The following RNGTT variants were observed in gnomAD, a reference collection of about 807,000 sequenced individuals.
RNGTT encodes mRNA-capping enzyme.
Under a neutral mutation model 79.3 loss-of-function variants are expected in RNGTT, and 33 were observed. The ratio of observed to expected loss-of-function variants is 0.42; its 90% confidence interval spans 0.32 to 0.56. The LOEUF (loss-of-function observed/expected upper bound fraction) is 0.56, where lower values mean the gene tolerates loss of function less well. Ranked by LOEUF, RNGTT falls within the 20% of genes least tolerant of loss-of-function variation. The pLI, the probability that RNGTT is intolerant of heterozygous loss-of-function variation, is 0.17. For missense variants in RNGTT, 497 were observed against 739.1 expected, an observed-to-expected ratio of 0.67 and a Z score of 3.80; for synonymous variants, 222 against 235.9, an observed-to-expected ratio of 0.94 and a Z score of 0.54.
chr6:88,656,194 G>A (rs932240221), intron 14 of RNGTT, among the ~76,000 whole-genome samples: 5 of 151,956 alleles, frequency 3.3e-5, no homozygotes, highest in African/African-American at 7.3e-5. Context: ...GAACTATATC[G>A]CTTACTTAAT....
chr6:88,919,742 G>A (rs1784109334), intron 4 of RNGTT, among the ~76,000 whole-genome samples: 1 of 99,154 alleles, frequency 1.0e-5, no homozygotes. Context: ...TTGAGACGGA[G>A]TTTTGTTCTT....
At chr6:88,613,033 C>T in intron 15 of RNGTT, 151 bp from the exon 16 acceptor site, 1 of 640,728 alleles carries the variant, frequency 1.6e-6, no homozygotes, top group East Asian at 3.0e-5. Flanking sequence ...TATCTCCTCC[C>T]TACCCTACAC....
chr6:88,707,463 T>C (rs947413480), intron 13 of RNGTT, among the ~76,000 whole-genome samples: 31 of 152,088 alleles, frequency 2.0e-4, no homozygotes, highest in African/African-American at 7.5e-4. Context: ...AGGAACATGC[T>C]ATCTAGAAAA....
At chr6:88,623,997 A>C (rs1272870695) in intron 14 of RNGTT, among the ~76,000 whole-genome samples, 2 of 151,980 alleles carry the variant, frequency 1.3e-5, no homozygotes, top group Non-Finnish European at 2.9e-5. Flanking sequence ...TTATAGTAAC[A>C]CAACTAAAAA....
intron 14 of RNGTT, among the ~76,000 whole-genome samples, chr6:88,668,272 C>T (rs1410899335): frequency 1.3e-5 from 2 of 152,102 alleles, no homozygotes; most frequent in Non-Finnish European, 2.9e-5. Context: ...TCCACCACAG[C>T]CACGTGAAAC....
chr6:88,766,986 T>C (rs1433860937), intron 13 of RNGTT, among the ~76,000 whole-genome samples: 1 of 152,146 alleles, frequency 6.6e-6, no homozygotes, highest in Non-Finnish European at 1.5e-5. Flanking sequence ...ACTGAGTTAA[T>C]GCTAAGCATT....
At chr6:88,826,788 G>GAA (rs1189448559) in intron 11 of RNGTT, among the ~76,000 whole-genome samples, 3,612 of 69,678 alleles carry the variant, frequency 0.052, 126 homozygotes, top group Middle Eastern at 0.1. Context: ...TGTCTCAAAA[G>GAA]AAAAAAAAAA....
chr6:88,697,925 T>C (rs1265604452), intron 13 of RNGTT, among the ~76,000 whole-genome samples: 3 of 123,294 alleles, frequency 2.4e-5, no homozygotes, highest in Non-Finnish European at 4.7e-5. Flanking sequence ...AATACATATA[T>C]ATGATATATA....
In RNGTT at chr6:88,784,919, T is replaced by C. The variant is rs558296780; in HGVS notation, c.1339-15045A>G. Among the ~76,000 whole-genome samples the C allele has an allele frequency of 3.3e-5, 5 of 152,214 alleles. No homozygotes were observed. In the South Asian group the frequency reaches 8.3e-4, roughly 25 times the overall value. The stretch of plus-strand genomic sequence containing the variant: ...ATGAAAATAAGAATGTATTCACACA[T>C]TTGTATTTGCTTCTATATATATAAA... On this transcript the variant is annotated intron_variant, in intron 12 of 15. Coordinates refer to ENST00000369485, the MANE Select transcript of RNGTT (RefSeq NM_003800.5).
At chr6:88,891,037 CA>C (rs1254261144) in intron 7 of RNGTT, among the ~76,000 whole-genome samples, 1 of 152,038 alleles carries the variant, frequency 6.6e-6, no homozygotes, top group African/African-American at 2.4e-5. Flanking sequence ...CCAGAAGTGA[CA>C]AAACAGGAGA....
chr6:88,888,602 A>G (rs1050057457), intron 8 of RNGTT, among the ~76,000 whole-genome samples: 2 of 152,166 alleles, frequency 1.3e-5, no homozygotes, highest in African/African-American at 4.8e-5. Context: ...CACTGTTTCA[A>G]TTTTGCATTA....
intron 14 of RNGTT, among the ~76,000 whole-genome samples, chr6:88,658,989 T>C (rs371790639): frequency 1.3e-5 from 2 of 152,210 alleles, no homozygotes; most frequent in African/African-American, 4.8e-5. Flanking sequence ...AGACGGCCTA[T>C]TGTGGGACTT....
chr6:88,831,627 T>C (rs1313619332), intron 11 of RNGTT, among the ~76,000 whole-genome samples: 1 of 152,150 alleles, frequency 6.6e-6, no homozygotes, highest in Non-Finnish European at 1.5e-5. Flanking sequence ...TGTATTCAAA[T>C]AAGAAGACTG....
chr6:88,877,506 T>A (rs1344615768), intron 8 of RNGTT, among the ~76,000 whole-genome samples: 6 of 152,196 alleles, frequency 3.9e-5, no homozygotes, highest in African/African-American at 9.7e-5. Context: ...AATTTTTTTT[T>A]AATAAAAGTT....
intron 1 of RNGTT, among the ~76,000 whole-genome samples, chr6:88,954,911 A>G (rs1785376020): frequency 6.6e-6 from 1 of 151,790 alleles, no homozygotes; most frequent in Admixed American, 6.6e-5. Flanking sequence ...GCCATGTACT[A>G]AAAATACATG....
rs959446551 is a variant in RNGTT at position 88,963,513 on chromosome 6, C to T, written c.-104G>A. The T allele has an allele frequency of 2.7e-6, 3 of 1,115,028 alleles. No individual in the cohort carries two copies. The highest frequency in any genetic ancestry group is 2.6e-4 in the Middle Eastern group (1 of 3,912). 69.1% of individuals were successfully genotyped at this position (1,115,028 alleles called of 1,614,324 possible). On this transcript the variant is annotated 5_prime_UTR_variant, in exon 1 of 16. Transcript: ENST00000369485. ...ACACCGGGGTCCGAGACACCCGAAT[C>T]GCAGCCGTAATCTGAATTCCAACCT...
At chr6:88,653,589 C>T (rs540663245) in intron 14 of RNGTT, among the ~76,000 whole-genome samples, 53 of 152,116 alleles carry the variant, frequency 3.5e-4, no homozygotes, top group Admixed American at 2.9e-3. Context: ...TATATTGCCA[C>T]AAAGATATAC....
chr6:88,689,591 T>C (rs1223722687), intron 13 of RNGTT, among the ~76,000 whole-genome samples: 5 of 119,608 alleles, frequency 4.2e-5, no homozygotes, highest in Admixed American at 3.9e-4. Flanking sequence ...TGAGACTCTG[T>C]CTCAAAAAAA....
intron 15 of RNGTT, among the ~76,000 whole-genome samples, chr6:88,613,575 TATC>T (rs1273451194): frequency 2.0e-5 from 3 of 152,198 alleles, no homozygotes; most frequent in East Asian, 1.9e-4. Flanking sequence ...TAGCTTATCA[TATC>T]ATCATCATCA....
Sources: allele counts gnomAD v4.1 joint callset (sites outside exome capture counted in the v4.1 genomes callset), GRCh38; gene constraint gnomAD v4.1.1; transcripts MANE v1.5; gene names NCBI Gene and HGNC (gene_info 2026-07-23, HGNC 2026-07-21).